ECHS1: variants seen among roughly 807,000 people sequenced by gnomAD.
The protein encoded by ECHS1 is enoyl-CoA hydratase, short chain 1, also known as enoyl-CoA hydratase, mitochondrial.
Under a neutral mutation model 33.5 loss-of-function variants are expected in ECHS1, and 19 were observed. The ratio of observed to expected loss-of-function variants is 0.57; its 90% CI spans 0.40 to 0.83. The LOEUF is 0.83. Among genes scored for constraint, ECHS1 ranks in the 40% least tolerant of loss-of-function variants. The pLI, the probability that ECHS1 is intolerant of heterozygous loss-of-function variation, is 0.00. For synonymous variants in ECHS1, 158 were observed against 146.6 expected, an observed-to-expected ratio of 1.08 and a Z score of -0.56; for missense variants, 365 against 381.3, an observed-to-expected ratio of 0.96 and a Z score of 0.36.
chr10:133,372,450 C>T (rs1466198086), intron 1 of ECHS1, among the ~76,000 whole-genome samples: 3 of 152,192 alleles, frequency 2.0e-5, no homozygotes, highest in African/African-American at 7.2e-5. Flanking sequence ...GAGGGGTGGC[C>T]CTGGTCAGGA....
rs768667557 is a variant in ECHS1, at chr10:133,364,627, T to C, written c.807+31A>G. The C allele has an allele frequency of 5.7e-6, 9 of 1,569,992 alleles. 1 individual carries two copies. The South Asian group carries it at 8.9e-5, about 16-fold the overall frequency. ...AGCAACTTGTGTGACTGGAATTTGC[T>C]TGATTCTCCGGTTGAACACTGTTTA... is the stretch of plus-strand genomic sequence containing the variant. On this transcript the variant is annotated intron_variant, in intron 7 of 7. Transcript: ENST00000368547.
chr10:133,366,856 C>T, intron 5 of ECHS1, 33 bp downstream of exon 5: 1 of 1,562,742 alleles, frequency 6.4e-7, no homozygotes, highest in Non-Finnish European at 8.8e-7. Flanking sequence ...CCCGGGTTTC[C>T]AGGTGGCTCT....
At chr10:133,363,920 A>G (rs1003740949) in intron 7 of ECHS1, among the ~76,000 whole-genome samples, 2 of 152,176 alleles carry the variant, frequency 1.3e-5, no homozygotes, top group African/African-American at 4.8e-5. Context: ...AATAATTGGA[A>G]TGATCTAAAA....
chr10:133,370,364 C>T (rs1849087363), intron 2 of ECHS1, among the ~76,000 whole-genome samples, 196 bp downstream of exon 2: 2 of 152,232 alleles, frequency 1.3e-5, no homozygotes, highest in African/African-American at 4.8e-5. Flanking sequence ...GCTGGTGGAG[C>T]ACATGCAGCT....
In ECHS1 at chr10:133,370,773, A is replaced by C. The variant is rs1564805348; in HGVS notation, c.89-16T>G. The C allele has an allele frequency of 2.5e-6, 4 of 1,602,642 alleles. No individual in the cohort carries two copies. Among genetic ancestry groups the C allele is most frequent in the Non-Finnish European group, 2.6e-6 (3 of 1,174,566 alleles). On this transcript the variant is annotated splice_polypyrimidine_tract_variant and intron_variant, in intron 1 of 7. Transcript: ENST00000368547. ...AAGTTAGCACCTGGAGCAAGAAGGC[A>C]AAAAGGGGTATCTATTCACACAGGT... is the stretch of plus-strand genomic sequence containing the variant.
Position 133,364,358 on chromosome 10 carries a change from A to G in ECHS1, c.807+300T>C, listed in dbSNP as rs74819004. On this transcript the variant is annotated intron_variant, in intron 7 of 7. Transcript: ENST00000368547. ...CTGGGGCTACGGATGCTCGACACCC[A>G]CCCGGCTGAAACTGCATTTTCAATA... is the stretch of plus-strand genomic sequence containing the variant. Among the ~76,000 whole-genome samples, 4,846 of 152,156 alleles carry G rather than the reference A, an allele frequency of 0.032. 245 individuals carry two copies. Among genetic ancestry groups the G allele is most frequent in the African/African-American group, 0.11 (4,545 of 41,484 alleles).
At chr10:133,367,032 G>A (rs750861969) in intron 4 of ECHS1, 39 bp from the exon 5 acceptor site, 3 of 1,522,202 alleles carry the variant, frequency 2.0e-6, no homozygotes, top group Admixed American at 3.5e-5. Context: ...ACTGTGATGA[G>A]TGAACCCAAG....
intron 1 of ECHS1, among the ~76,000 whole-genome samples, chr10:133,372,802 G>A (rs1459089366): frequency 2.2e-5 from 3 of 139,228 alleles, no homozygotes; most frequent in Non-Finnish European, 4.7e-5. Context: ...AGCACTAGGC[G>A]AGGGGGGTGT....
intron 6 of ECHS1, 101 bp downstream of exon 6, chr10:133,365,875 G>A: frequency 7.0e-7 from 1 of 1,427,182 alleles, no homozygotes; most frequent in Non-Finnish European, 9.6e-7. Context: ...CTGCCCAGGA[G>A]GGCTTAAGGC....
At position 133,362,839 on chromosome 10, in the gene ECHS1, C is replaced by T. The variant is rs762331214; in HGVS notation, c.*29G>A. 1 of 1,607,760 alleles carries T rather than the reference C, an allele frequency of 6.2e-7. No individual in the cohort carries two copies. Among genetic ancestry groups the T allele is most frequent in the South Asian group, 1.1e-5 (1 of 90,950 alleles). ...ACAGGCTGCACTTGTCCTCTCCAAG[C>T]AGAGGTGTGAAGCAGGGGCAGCTGG... On this transcript the variant is annotated 3_prime_UTR_variant, in exon 8 of 8. Coordinates refer to ENST00000368547, the MANE Select transcript of ECHS1 (RefSeq NM_004092.4).
Position 133,366,912 on chromosome 10 carries a change from G to C in ECHS1, c.596C>G (p.Ser199Ter). ...MEMVLTGDRI[S>*]AQDAKQAGLV... is the part of the protein sequence containing the mutation. ...ACCTGCTTGCTTGGCGTCCTGGGCTGAGATCCGGTCACCAGTGAGGACCAT... is the reference window on the plus strand; with the variant it reads ...ACCTGCTTGCTTGGCGTCCTGGGCTCAGATCCGGTCACCAGTGAGGACCAT... Residue 199 changes from serine to a stop codon, truncating the protein, a stop_gained, in exon 5 of 8, where the codon TCA becomes TGA. Transcript: ENST00000368547. LOFTEE classifies it high-confidence loss of function. The C allele has an allele frequency of 6.2e-7, 1 of 1,612,230 alleles. No individual in the cohort carries two copies. The highest frequency in any genetic ancestry group is 8.5e-7 in the Non-Finnish European group (1 of 1,179,940).
intron 5 of ECHS1, 22 bp from the exon 6 acceptor site, chr10:133,366,117 G>T: frequency 6.2e-7 from 1 of 1,610,760 alleles, no homozygotes; most frequent in South Asian, 1.1e-5. Flanking sequence ...GAAAGTCAGT[G>T]AGTGATGTGC....
chr10:133,370,037 A>T lies in ECHS1; in HGVS notation c.287-6T>A. On this transcript the variant is annotated splice_region_variant and splice_polypyrimidine_tract_variant and intron_variant, in intron 2 of 7. Transcript: ENST00000368547. Reference sequence around the variant, plus strand: ...TTCCTTGATATCAGCTCCAGCTAGCAGGAGTGGAAAGGAGGTTCCAGTTAC... The same window carrying T: ...TTCCTTGATATCAGCTCCAGCTAGCTGGAGTGGAAAGGAGGTTCCAGTTAC... 6.2e-7 allele frequency: 1 copy of T among 1,613,598 alleles called. No individual in the cohort carries two copies. Among genetic ancestry groups the T allele is most frequent in the Non-Finnish European group, 8.5e-7 (1 of 1,179,890 alleles).
Position 133,370,666 on chromosome 10 carries a change from T to G in ECHS1, c.180A>C (p.Ala60=). 6.2e-7 allele frequency: 1 copy of G among 1,613,384 alleles called. No individual in the cohort carries two copies. ...GCTCGTCAATCAGGCCATCGCAAAG[T>G]GCATTGAGGGCCTTGGGGCGGTTCA... is the stretch of plus-strand genomic sequence containing the variant. ...IQLNRPKALN[A]LCDGLIDELN... The change falls in exon 2 of 8, where the codon GCA becomes GCC. Residue 60 remains alanine, a synonymous_variant. Transcript: ENST00000368547.
Position 133,366,713 on chromosome 10 carries a change from A to G in ECHS1, c.619+176T>C, listed in dbSNP as rs80036458. Among the ~76,000 whole-genome samples, 2,989 of 136,796 alleles carry G rather than the reference A, an allele frequency of 0.022. 116 individuals are homozygous for G. The highest frequency in any genetic ancestry group is 0.083 in the African/African-American group (2,785 of 33,508). The allele number at this position is 136,796 out of a possible 152,430, so 89.7% of individuals were successfully genotyped here. On this transcript the variant is annotated intron_variant, in intron 5 of 7. Transcript: ENST00000368547. The stretch of plus-strand genomic sequence containing the variant: ...GGTTTCTGTGGGGCTCCCACGAGGG[A>G]GACAACTGGATGCAGCTCAGGGTTT...
chr10:133,365,545 A>C (rs1272564403), intron 6 of ECHS1, among the ~76,000 whole-genome samples: 2 of 152,260 alleles, frequency 1.3e-5, no homozygotes, highest in East Asian at 3.8e-4. Flanking sequence ...AAAGGGATCC[A>C]GGCCAAGAAC....
Position 133,373,322 on chromosome 10 carries a change from C to G in ECHS1, c.12G>C (p.Leu4=), listed in dbSNP as rs764269107. 2.0e-6 allele frequency: 3 copies of G among 1,502,980 alleles called. No homozygotes were observed. The highest frequency in any genetic ancestry group is 2.1e-5 in the Admixed American group (1 of 48,072). The allele number at this position is 1,502,980 out of a possible 1,614,324, so 93.1% of individuals were successfully genotyped here. ...CGCGGACGCAGGACAGCAGGACACG[C>G]AGGGCGGCCATGGCTCTCTGGACTC... MAA[L]RVLLSCVRGP... Residue 4 remains leucine, a synonymous_variant, in exon 1 of 8, where the codon CTG becomes CTC. Coordinates refer to ENST00000368547, the MANE Select transcript of ECHS1 (RefSeq NM_004092.4).
At position 133,369,709 on chromosome 10, in the gene ECHS1, AC is replaced by A. The variant is rs779769997; in HGVS notation, c.414+194del. Among the ~76,000 whole-genome samples, 73 of 152,282 alleles carry A rather than the reference AC, an allele frequency of 4.8e-4. 1 individual carries two copies. Among genetic ancestry groups the A allele is most frequent in the Admixed American group, 9.8e-4 (15 of 15,298 alleles). On this transcript the variant is annotated intron_variant, in intron 3 of 7. Transcript: ENST00000368547. The stretch of plus-strand genomic sequence containing the variant: ...TTGCTGGGGAGAAGCTGTCAGGTGA[AC>A]AGCCACGAAAAAAGCAGATGCCAGG...
chr10:133,368,555 C>A (rs1358492886), intron 4 of ECHS1, among the ~76,000 whole-genome samples: 1 of 152,148 alleles, frequency 6.6e-6, no homozygotes, highest in Non-Finnish European at 1.5e-5. Context: ...GGCCATGTGA[C>A]CTCCATGGCC....
Sources: gnomAD v4.1 joint callset for allele counts (sites outside exome capture counted in the v4.1 genomes callset) on GRCh38, gnomAD v4.1.1 for gene constraint, MANE v1.5 for transcripts, NCBI Gene and HGNC (gene_info 2026-07-23, HGNC 2026-07-21) for gene names.